SPATC1: variants seen among roughly 807,000 people sequenced by gnomAD.
SPATC1 encodes speriolin.
In SPATC1, 35 loss-of-function variants were observed where a neutral mutation model predicts 36.5. The ratio of observed to expected loss-of-function variants is 0.96; its 90% confidence interval spans 0.73 to 1.27. The LOEUF is 1.27. Among genes scored for constraint, SPATC1 ranks in the 50% most tolerant of loss-of-function variants. The pLI is 0.00. For synonymous variants in SPATC1, 361 were observed against 353.6 expected, an observed-to-expected ratio of 1.02 and a Z score of -0.24; for missense variants, 779 against 796.0, an observed-to-expected ratio of 0.98 and a Z score of 0.26.
intron 1 of SPATC1, among the ~76,000 whole-genome samples, chr8:144,037,843 A>G (rs1554755049): frequency 6.6e-6 from 1 of 151,882 alleles, no homozygotes; most frequent in Non-Finnish European, 1.5e-5. Flanking sequence ...AAAAAGAATG[A>G]ATTTTGGCCG....
At chr8:144,030,589 C>T (rs1382521692) in intron 1 of SPATC1, among the ~76,000 whole-genome samples, 1 of 152,112 alleles carries the variant, frequency 6.6e-6, no homozygotes, top group African/African-American at 2.4e-5. Flanking sequence ...GAACTCCTGA[C>T]ACCAGGTGAT....
intron 4 of SPATC1, among the ~76,000 whole-genome samples, chr8:144,044,603 C>T (rs1484430591): frequency 6.6e-6 from 1 of 151,168 alleles, no homozygotes; most frequent in African/African-American, 2.4e-5. Flanking sequence ...CCACCAAGCC[C>T]GGCCCTTGAA....
At position 144,040,339 on chromosome 8, in the gene SPATC1, G is replaced by A; in HGVS notation, c.642G>A (p.Leu214=). ...ATPPGVSQNL[L]ANPMSNLVLP... is the part of the protein sequence containing the mutation. Reference sequence around the variant, plus strand: ...CACCAGGGGTCTCTCAGAACCTGCTGGCCAACCCCATGAGCAACCTGGTCC... The same window carrying A: ...CACCAGGGGTCTCTCAGAACCTGCTAGCCAACCCCATGAGCAACCTGGTCC... The change falls in exon 2 of 5, where the codon CTG becomes CTA. Residue 214 remains leucine, a synonymous_variant. Transcript: ENST00000377470. 7 of 1,612,678 alleles carry A rather than the reference G, an allele frequency of 4.3e-6. No individual in the cohort carries two copies. Among genetic ancestry groups the A allele is most frequent in the Non-Finnish European group, 5.9e-6 (7 of 1,179,902 alleles).
rs1554755763 is a variant in SPATC1 at position 144,040,760 on chromosome 8, C to T, written c.959C>T (p.Ala320Val). The T allele has an allele frequency of 4.3e-6, 7 of 1,609,562 alleles. No individual in the cohort carries two copies. In the South Asian group the frequency reaches 6.6e-5, roughly 15 times the overall value. The change falls in exon 3 of 5, where the codon GCA becomes GTA. Residue 320 changes from alanine (A) to valine (V), a missense_variant. Ala to Val is a moderately conservative substitution (Grantham distance 64, BLOSUM62 0). Coordinates refer to ENST00000377470, the MANE Select transcript of SPATC1 (RefSeq NM_198572.3). ...GCCGCCCAGGAACAAGTGGTCCCTGCATCTGTCCCCACCTCCCCCACCACC... is the reference window on the plus strand; with the variant it reads ...GCCGCCCAGGAACAAGTGGTCCCTGTATCTGTCCCCACCTCCCCCACCACC... Reference protein sequence around the residue: ...PSAAQEQVVPASVPTSPTTSP... With the variant: ...PSAAQEQVVPVSVPTSPTTSP...
chr8:144,016,619 G>A lies in SPATC1; in HGVS notation c.211+3893G>A, dbSNP rs1362188855. 5.6e-4 allele frequency among the ~76,000 whole-genome samples: 85 copies of A among 151,932 alleles called. No homozygotes were observed. Among genetic ancestry groups the A allele is most frequent in the Non-Finnish European group, 1.6e-4 (11 of 67,934 alleles). The stretch of plus-strand genomic sequence containing the variant: ...ACTGATGGTTTTTGTTTGTTTGTTT[G>A]TTTGTTTTTTTGTTTGTTTGTTTTT... On this transcript the variant is annotated intron_variant, in intron 1 of 4. Transcript: ENST00000377470. The surrounding 1 kb of genome is among the most constrained non-coding windows in gnomAD (Gnocchi z 4.5).
At chr8:144,028,752 C>T (rs1448112321) in intron 1 of SPATC1, among the ~76,000 whole-genome samples, 2 of 152,162 alleles carry the variant, frequency 1.3e-5, no homozygotes, top group African/African-American at 2.4e-5. Flanking sequence ...AATTCATGCA[C>T]GTGTATATTC....
At position 144,012,428 on chromosome 8, in the gene SPATC1, C is replaced by T. The variant is rs1587480219; in HGVS notation, c.-88C>T. 2 of 1,198,316 alleles carry T rather than the reference C, an allele frequency of 1.7e-6. No individual in the cohort carries two copies. Among genetic ancestry groups the T allele is most frequent in the East Asian group, 2.5e-5 (1 of 39,246 alleles). 74.2% of individuals were successfully genotyped at this position (1,198,316 alleles called of 1,614,324 possible). A position where few individuals can be genotyped will look rare whatever the true frequency, so the allele number is the denominator to read the frequency against. ...GCCAGCCTTGCAGACTCTGCACCCT[C>T]CTTCAGCCCAGGCAAGGCCTGGGGC... On this transcript the variant is annotated 5_prime_UTR_variant, in exon 1 of 5. Transcript: ENST00000377470.
At chr8:144,022,807 C>T (rs1280915773) in intron 1 of SPATC1, among the ~76,000 whole-genome samples, 3 of 147,108 alleles carry the variant, frequency 2.0e-5, no homozygotes, top group African/African-American at 7.8e-5. Flanking sequence ...GAAAACCCTC[C>T]CCCGTCAGGA....
At chr8:144,026,955 G>A (rs1188894401) in intron 1 of SPATC1, among the ~76,000 whole-genome samples, 6 of 146,328 alleles carry the variant, frequency 4.1e-5, no homozygotes, top group South Asian at 2.2e-4. Context: ...GACTACAGGC[G>A]CCCACCACCA....
intron 1 of SPATC1, among the ~76,000 whole-genome samples, chr8:144,036,348 A>G (rs1250465721): frequency 6.6e-6 from 1 of 152,228 alleles, no homozygotes; most frequent in African/African-American, 2.4e-5. Flanking sequence ...TTTATGAGAC[A>G]GGATCTCATG....
intron 4 of SPATC1, among the ~76,000 whole-genome samples, chr8:144,044,918 C>T (rs1554756563): frequency 6.6e-6 from 1 of 152,196 alleles, no homozygotes; most frequent in African/African-American, 2.4e-5. Flanking sequence ...CACTGCACTC[C>T]ACCCTGGGCA....
rs1365587071 is a variant in SPATC1 at position 144,028,104 on chromosome 8, A to G, written c.212-11805A>G. On this transcript the variant is annotated intron_variant, in intron 1 of 4. Transcript: ENST00000377470. ...TAAAACCCCAAACAATAAAAACTCT[A>G]GAAGAAAATCTAGGCAATACCATTT... Among the ~76,000 whole-genome samples, 4 of 152,354 alleles carry G rather than the reference A, an allele frequency of 2.6e-5. No individual in the cohort carries two copies. The South Asian group carries it at 8.3e-4, about 32-fold the overall frequency.
intron 1 of SPATC1, among the ~76,000 whole-genome samples, chr8:144,026,809 CTTT>C (rs1230432833): frequency 3.8e-5 from 5 of 131,930 alleles, no homozygotes; most frequent in Non-Finnish European, 8.1e-5. Flanking sequence ...CTTTCTTTTT[CTTT>C]TTTTTTTTTT....
In SPATC1 at chr8:144,040,803, C is replaced by T; in HGVS notation, c.1002C>T (p.Val334=). ...TSPTTSPTVT[V]LASAPALAPQ... is the part of the protein sequence containing the mutation. ...CCACCACCTCCCCCACGGTCACCGT[C>T]CTTGCCTCTGCCCCCGCCCTTGCCC... Residue 334 remains valine, a synonymous_variant, in exon 3 of 5, where the codon GTC becomes GTT. Transcript: ENST00000377470. 1 of 1,376,050 alleles carries T rather than the reference C, an allele frequency of 7.3e-7. No homozygotes were observed. Among genetic ancestry groups the T allele is most frequent in the South Asian group, 1.3e-5 (1 of 76,980 alleles). The allele number at this position is 1,376,050 out of a possible 1,614,324, so 85.2% of individuals were successfully genotyped here.
At chr8:144,027,235 A>G (rs1388740610) in intron 1 of SPATC1, among the ~76,000 whole-genome samples, 1 of 152,058 alleles carries the variant, frequency 6.6e-6, no homozygotes, top group Non-Finnish European at 1.5e-5. Flanking sequence ...CGGCCGCCCA[A>G]AGTGGTGGGA....
intron 1 of SPATC1, among the ~76,000 whole-genome samples, 195 bp from the exon 2 acceptor site, chr8:144,039,713 TC>T (rs1382299396): frequency 6.6e-6 from 1 of 151,904 alleles, no homozygotes; most frequent in Admixed American, 6.6e-5. Flanking sequence ...AGACACAGAC[TC>T]CCCACAGAGG....
intron 1 of SPATC1, among the ~76,000 whole-genome samples, chr8:144,039,334 T>A (rs989966734): frequency 2.0e-5 from 3 of 152,196 alleles, no homozygotes; most frequent in African/African-American, 7.2e-5. Context: ...AGCTCTGACC[T>A]GCATCCCTGT....
chr8:144,022,892 T>C (rs1428395740), intron 1 of SPATC1, among the ~76,000 whole-genome samples: 2 of 149,130 alleles, frequency 1.3e-5, no homozygotes, highest in African/African-American at 5.0e-5. Context: ...CCCTCCTCTC[T>C]TGTGACCATC....
chr8:144,044,237 C>T (rs1554756468), intron 4 of SPATC1, among the ~76,000 whole-genome samples: 1 of 152,062 alleles, frequency 6.6e-6, no homozygotes, highest in African/African-American at 2.4e-5. Context: ...CTTGCAATCT[C>T]CCCACCCAGA....
Sources: gnomAD v4.1 joint callset for allele counts (sites outside exome capture counted in the v4.1 genomes callset) on GRCh38, gnomAD v4.1.1 for gene constraint, Gnocchi (gnomAD v3.1) non-coding constraint, MANE v1.5 for transcripts, NCBI Gene and HGNC (gene_info 2026-07-23, HGNC 2026-07-21) for gene names.